The following MAN2A1 variants were observed in gnomAD, a reference collection of about 807,000 sequenced individuals.
The protein encoded by MAN2A1 is mannosidase alpha class 2A member 1.
Under a neutral mutation model 142.6 loss-of-function variants are expected in MAN2A1, and 76 were observed. The ratio of observed to expected loss-of-function variants is 0.53; its 90% CI spans 0.44 to 0.65. MAN2A1 has a LOEUF of 0.65. MAN2A1 is among the 30% of genes least tolerant of loss of function. The pLI is 0.00. For synonymous variants in MAN2A1, 559 were observed against 473.2 expected (o/e 1.18, Z -2.35); for missense variants, 1,311 against 1,365.1 (o/e 0.96, Z 0.62).
chr5:109,739,669 C>G (rs1752209904), intron 4 of MAN2A1, among the ~76,000 whole-genome samples: 1 of 152,114 alleles, frequency 6.6e-6, no homozygotes, highest in South Asian at 2.1e-4. Flanking sequence ...GGAATTTGTC[C>G]CAAAACATGG....
intron 5 of MAN2A1, among the ~76,000 whole-genome samples, chr5:109,759,126 A>G (rs867915465): frequency 4.0e-4 from 61 of 152,234 alleles, no homozygotes; most frequent in African/African-American, 1.4e-3. Flanking sequence ...TAGTGGTTGT[A>G]TTAAATCTGT....
At chr5:109,842,536 A>T (rs574507384) in intron 17 of MAN2A1, 75 bp downstream of exon 17, 1 of 902,248 alleles carries the variant, frequency 1.1e-6, no homozygotes, top group Non-Finnish European at 1.6e-6. Context: ...TGGCCCAGTT[A>T]ATTTTGGATC....
chr5:109,694,465 T>A (rs912455350), intron 1 of MAN2A1, among the ~76,000 whole-genome samples: 1 of 152,148 alleles, frequency 6.6e-6, no homozygotes, highest in Non-Finnish European at 1.5e-5. Flanking sequence ...CACCTCAGCC[T>A]TCTGAGTAGC....
intron 4 of MAN2A1, among the ~76,000 whole-genome samples, chr5:109,739,742 A>T (rs1056539017): frequency 6.6e-6 from 1 of 152,028 alleles, no homozygotes. Flanking sequence ...TGCTGTGGGT[A>T]CTAGTTATTA....
chr5:109,690,444 G>A lies in MAN2A1; in HGVS notation c.27G>A (p.Val9=). 2 of 1,614,080 alleles carry A rather than the reference G, an allele frequency of 1.2e-6. No homozygotes were observed. Among genetic ancestry groups the A allele is most frequent in the Non-Finnish European group, 1.7e-6 (2 of 1,179,946 alleles). The change falls in exon 1 of 22, where the codon GTG becomes GTA. Residue 9 remains valine, a synonymous_variant. Transcript: ENST00000261483. MKLSRQFT[V]FGSAIFCVVI... ...TGAAGTTAAGCCGCCAGTTCACCGT[G>A]TTCGGCAGTGCGATCTTCTGTGTGG...
intron 1 of MAN2A1, among the ~76,000 whole-genome samples, chr5:109,708,507 A>G (rs1386110111): frequency 2.2e-5 from 1 of 44,786 alleles, no homozygotes; most frequent in African/African-American, 1.6e-4. Context: ...CAGAACTGAT[A>G]GGACACACAC....
intron 7 of MAN2A1, among the ~76,000 whole-genome samples, chr5:109,772,377 A>T (rs1753171973): frequency 6.6e-6 from 1 of 152,154 alleles, no homozygotes; most frequent in South Asian, 2.1e-4. Context: ...TCTAAAATAA[A>T]CAAACAAACA....
intron 1 of MAN2A1, 131 bp downstream of exon 1, chr5:109,690,683 A>G: frequency 3.8e-6 from 4 of 1,043,844 alleles, no homozygotes; most frequent in Non-Finnish European, 5.5e-6. Flanking sequence ...GGGGCTCTGT[A>G]GCTCTCGGAC....
chr5:109,832,696 C>T (rs1444271023), intron 16 of MAN2A1, among the ~76,000 whole-genome samples: 1 of 152,226 alleles, frequency 6.6e-6, no homozygotes, highest in Non-Finnish European at 1.5e-5. Flanking sequence ...GGTACACCTC[C>T]CAGACAGGGT....
chr5:109,811,385 T>C (rs1368262962), intron 12 of MAN2A1, among the ~76,000 whole-genome samples: 1 of 152,202 alleles, frequency 6.6e-6, no homozygotes, highest in Non-Finnish European at 1.5e-5. Flanking sequence ...GAATGAATTT[T>C]GGGAGAGTTG....
At chr5:109,770,821 T>G (rs1451821981) in intron 7 of MAN2A1, among the ~76,000 whole-genome samples, 1 of 152,180 alleles carries the variant, frequency 6.6e-6, no homozygotes, top group Non-Finnish European at 1.5e-5. Context: ...TATAAAAGCC[T>G]TCTACTGTGT....
At chr5:109,801,955 T>G (rs568427557) in intron 12 of MAN2A1, among the ~76,000 whole-genome samples, 3 of 152,212 alleles carry the variant, frequency 2.0e-5, no homozygotes, top group Non-Finnish European at 4.4e-5. Context: ...CTTAAACATT[T>G]CCTGTTTATT....
intron 21 of MAN2A1, 200 bp downstream of exon 21, chr5:109,865,346 G>A: frequency 1.8e-6 from 1 of 554,534 alleles, no homozygotes; most frequent in South Asian, 2.1e-5. Context: ...ACATCAAAAG[G>A]CATAGCTGGA....
At chr5:109,766,868 T>C (rs552755225) in intron 5 of MAN2A1, among the ~76,000 whole-genome samples, 1 of 152,320 alleles carries the variant, frequency 6.6e-6, no homozygotes, top group South Asian at 2.1e-4. Flanking sequence ...CATTTTATCC[T>C]CTGTGAAATT....
intron 1 of MAN2A1, among the ~76,000 whole-genome samples, chr5:109,691,701 T>C (rs1750677666): frequency 6.6e-6 from 1 of 152,218 alleles, no homozygotes; most frequent in African/African-American, 2.4e-5. Context: ...CTGTCATCAA[T>C]ACAGAGCACT....
At chr5:109,704,420 A>G (rs543455969) in intron 1 of MAN2A1, among the ~76,000 whole-genome samples, 2 of 152,352 alleles carry the variant, frequency 1.3e-5, no homozygotes, top group South Asian at 2.1e-4. Flanking sequence ...AAATTGCACA[A>G]TTTGGAAGAA....
intron 16 of MAN2A1, among the ~76,000 whole-genome samples, chr5:109,836,296 T>A (rs10900658): frequency 0.55 from 82,514 of 151,216 alleles, 23,045 homozygotes; most frequent in East Asian, 0.9. Flanking sequence ...GGTTTTTTTT[T>A]AGTAAAGACA....
chr5:109,756,179 C>T (rs1752683311), intron 5 of MAN2A1, among the ~76,000 whole-genome samples: 2 of 151,890 alleles, frequency 1.3e-5, no homozygotes, highest in South Asian at 2.1e-4. Flanking sequence ...GAGAATGGGT[C>T]CTCCATATGA....
At chr5:109,803,365 T>G (rs1754082154) in intron 12 of MAN2A1, among the ~76,000 whole-genome samples, 1 of 152,240 alleles carries the variant, frequency 6.6e-6, no homozygotes, top group African/African-American at 2.4e-5. Flanking sequence ...AGTCAAACTT[T>G]CTTAATTAAC....
Sources: gnomAD v4.1 joint callset for allele counts (sites outside exome capture counted in the v4.1 genomes callset) on GRCh38, gnomAD v4.1.1 for gene constraint, MANE v1.5 for transcripts, NCBI Gene and HGNC (gene_info 2026-07-23, HGNC 2026-07-21) for gene names.